The following BMP2K variants were observed in gnomAD, a reference collection of about 807,000 sequenced individuals.
The protein encoded by BMP2K is BMP2 inducible kinase.
A neutral mutation model predicts 116.0 loss-of-function variants in BMP2K; 74 were observed. The observed-to-expected ratio is 0.64, with a 90% CI of 0.53 to 0.77. The LOEUF (loss-of-function observed/expected upper bound fraction) is 0.77. BMP2K is among the 30% of genes least tolerant of loss of function. The pLI is 0.00. For synonymous variants in BMP2K, 486 were observed against 502.5 expected (o/e 0.97, Z 0.44); for missense variants, 1,365 against 1,403.6 (o/e 0.97, Z 0.44).
rs879827437 is a variant in BMP2K, at chr4:78,913,996, C to T, written c.*1963C>T. 2.6e-5 allele frequency: 4 copies of T among 151,452 alleles called. No homozygotes were observed. Among genetic ancestry groups the T allele is most frequent in the Admixed American group, 2.0e-4 (3 of 15,186 alleles). The allele number at this position is 151,452 out of a possible 1,614,324, so 9.4% of individuals were successfully genotyped here. Reference sequence around the variant, plus strand: ...CTTTACAAAATAGATTCAAGTGATACTTTCTTTTAAAAGTGAAGAGTTGAT... The same window carrying T: ...CTTTACAAAATAGATTCAAGTGATATTTTCTTTTAAAAGTGAAGAGTTGAT... On this transcript the variant is annotated 3_prime_UTR_variant, in exon 16 of 16. Coordinates refer to ENST00000502613, the MANE Select transcript of BMP2K (RefSeq NM_198892.2).
At position 78,911,700 on chromosome 4, in the gene BMP2K, T is replaced by A; in HGVS notation, c.3153T>A (p.Asp1051Glu). Residue 1051 changes from aspartate (D) to glutamate (E), a missense_variant, in exon 16 of 16, where the codon GAT (aspartate) becomes GAA (glutamate). By Grantham distance (45) the Asp-to-Glu change is conservative (BLOSUM62 2). Transcript: ENST00000502613. ...SKENISVALTDGKDRGNVLQP... is the reference protein window; with the variant it reads ...SKENISVALTEGKDRGNVLQP... ...AGAACATTAGTGTTGCACTGACTGA[T>A]GGGAAAGATAGGGGGAATGTCTTAC... The A allele has an allele frequency of 6.2e-7, 1 of 1,613,844 alleles. No individual in the cohort carries two copies. Among genetic ancestry groups the A allele is most frequent in the Non-Finnish European group, 8.5e-7 (1 of 1,179,862 alleles).
At chr4:78,891,331 A>G (rs1733425190) in intron 15 of BMP2K, among the ~76,000 whole-genome samples, 2 of 151,934 alleles carry the variant, frequency 1.3e-5, no homozygotes, top group African/African-American at 4.8e-5. Context: ...CATTTGTAGC[A>G]TCTGTATTAA....
chr4:78,804,416 G>A (rs1198923107), intron 1 of BMP2K, among the ~76,000 whole-genome samples: 2 of 151,968 alleles, frequency 1.3e-5, no homozygotes, highest in East Asian at 1.9e-4. Context: ...TTTTTTGCGT[G>A]GATATATATT....
chr4:78,900,448 A>G (rs1733939631), intron 15 of BMP2K, among the ~76,000 whole-genome samples: 1 of 152,208 alleles, frequency 6.6e-6, no homozygotes. Flanking sequence ...AGGAATAAAC[A>G]GTATTCTGGA....
chr4:78,896,136 CT>C, intron 15 of BMP2K, among the ~76,000 whole-genome samples: 1 of 152,054 alleles, frequency 6.6e-6, no homozygotes, highest in Non-Finnish European at 1.5e-5. Context: ...TATAACCTAA[CT>C]TTTTTGCAGC....
intron 3 of BMP2K, among the ~76,000 whole-genome samples, chr4:78,836,107 C>T (rs1031281354): frequency 6.6e-6 from 1 of 151,838 alleles, no homozygotes; most frequent in Admixed American, 6.6e-5. Flanking sequence ...ATTTTAGTCC[C>T]GCATTTTCCA....
intron 1 of BMP2K, among the ~76,000 whole-genome samples, chr4:78,810,369 AAG>A (rs1285581159): frequency 6.6e-6 from 1 of 152,172 alleles, no homozygotes; most frequent in African/African-American, 2.4e-5. Context: ...GAGCTTTTCA[AAG>A]AGTTTTTCGA....
intron 1 of BMP2K, among the ~76,000 whole-genome samples, chr4:78,817,527 T>C (rs6828501): frequency 0.062 from 9,505 of 152,244 alleles, 409 homozygotes; most frequent in East Asian, 0.22. Context: ...GGAAGGGTGC[T>C]GAGTGCAGAA....
chr4:78,881,530 G>A (rs1186309698), intron 14 of BMP2K, among the ~76,000 whole-genome samples: 1 of 152,088 alleles, frequency 6.6e-6, no homozygotes, highest in Non-Finnish European at 1.5e-5. Flanking sequence ...CTATAAAGTT[G>A]TGTATAAAAT....
intron 1 of BMP2K, among the ~76,000 whole-genome samples, chr4:78,803,143 C>T (rs556748052): frequency 6.6e-6 from 1 of 152,298 alleles, no homozygotes; most frequent in African/African-American, 2.4e-5. Flanking sequence ...AGCCACCACA[C>T]TGGGCCAGAG....
intron 7 of BMP2K, chr4:78,859,202 G>C (rs1437602786): frequency 6.4e-6 from 1 of 155,588 alleles, no homozygotes; most frequent in Admixed American, 6.5e-5. Context: ...CAGGTATTTT[G>C]GATAATAGTA....
intron 3 of BMP2K, among the ~76,000 whole-genome samples, chr4:78,839,221 G>C (rs1228826350): frequency 6.6e-6 from 1 of 152,202 alleles, no homozygotes; most frequent in African/African-American, 2.4e-5. Flanking sequence ...GGTTAGCTGG[G>C]ATTAGTTGGA....
chr4:78,806,170 C>T (rs1728809230), intron 1 of BMP2K, among the ~76,000 whole-genome samples: 2 of 151,210 alleles, frequency 1.3e-5, no homozygotes, highest in South Asian at 2.1e-4. Context: ...ATAGGTTTTC[C>T]TATGTATATA....
At position 78,790,842 on chromosome 4, in the gene BMP2K, A is replaced by G. The variant is rs116623727; in HGVS notation, c.178+14121A>G. On this transcript the variant is annotated intron_variant, in intron 1 of 15. Transcript: ENST00000502613. ...TGCACTCTGTCTTGGGTGACAGACTAAGATCCTGTGTCTAAATAACAATAA... is the reference window on the plus strand; with the variant it reads ...TGCACTCTGTCTTGGGTGACAGACTGAGATCCTGTGTCTAAATAACAATAA... 4.9e-3 allele frequency among the ~76,000 whole-genome samples: 746 copies of G among 152,220 alleles called. 6 individuals are homozygous for G. Among genetic ancestry groups the G allele is most frequent in the African/African-American group, 0.017 (716 of 41,524 alleles).
At chr4:78,849,212 AAATGCTTTATGTTACCTATT>A (rs1449970883) in intron 6 of BMP2K, among the ~76,000 whole-genome samples, 2 of 151,230 alleles carry the variant, frequency 1.3e-5, no homozygotes, top group African/African-American at 4.8e-5. Context: ...TAACATAAAG[AAATGCTTTATGTTACCTATT>A]AATGAAGAAA....
chr4:78,810,337 G>T (rs1211124561), intron 1 of BMP2K, among the ~76,000 whole-genome samples: 2 of 152,140 alleles, frequency 1.3e-5, no homozygotes, highest in Admixed American at 6.6e-5. Context: ...CATGTGTGTG[G>T]CCTCTAGATT....
At chr4:78,829,067 G>T (rs1406169689) in intron 2 of BMP2K, among the ~76,000 whole-genome samples, 1 of 152,206 alleles carries the variant, frequency 6.6e-6, no homozygotes, top group Admixed American at 6.5e-5. Context: ...GTATAAGTGG[G>T]TTTTAAACAT....
At chr4:78,826,012 A>G in intron 1 of BMP2K, 25 bp from the exon 2 acceptor site, 1 of 1,544,360 alleles carries the variant, frequency 6.5e-7, no homozygotes, top group Non-Finnish European at 8.9e-7. Context: ...TTTCTTTTAA[A>G]TTAATTGGTG....
Position 78,841,383 on chromosome 4 carries a change from C to T in BMP2K, c.404-1002C>T, listed in dbSNP as rs183205453. ...TGCATTCTTAAAATATGATGATTAA[C>T]GTTTTGTTAATAAAGAATCATTATT... On this transcript the variant is annotated intron_variant, in intron 3 of 15. Coordinates refer to ENST00000502613, the MANE Select transcript of BMP2K (RefSeq NM_198892.2). Among the ~76,000 whole-genome samples the T allele has an allele frequency of 1.2e-4, 19 of 152,088 alleles. No individual in the cohort carries two copies. The East Asian group carries it at 1.4e-3, about 11-fold the overall frequency.
Sources: gnomAD v4.1 joint callset for allele counts (sites outside exome capture counted in the v4.1 genomes callset) on GRCh38, gnomAD v4.1.1 for gene constraint, MANE v1.5 for transcripts, NCBI Gene and HGNC (gene_info 2026-07-23, HGNC 2026-07-21) for gene names.